The following WNK1 variants were observed in gnomAD, a reference collection of about 807,000 sequenced individuals.
The protein encoded by WNK1 is serine/threonine-protein kinase WNK1.
WNK1 carries 38 observed loss-of-function variants against 222.8 expected under a neutral mutation model. That is an observed-to-expected ratio of 0.17 (90% confidence interval 0.13 to 0.22). WNK1 has a LOEUF of 0.22. Ranked by LOEUF, WNK1 falls within the 10% of genes least tolerant of loss-of-function variation. The probability of loss-of-function intolerance (pLI) is 1.00; values close to 1 mark genes in which losing one functional copy is unlikely to be tolerated. For synonymous variants in WNK1, 1,090 were observed against 1,092.9 expected (o/e 1.00, Z 0.05); for missense variants, 2,348 against 2,918.4 (o/e 0.80, Z 4.50).
chr12:863,216 A>G (rs991040754), intron 8 of WNK1, among the ~76,000 whole-genome samples: 2 of 152,094 alleles, frequency 1.3e-5, no homozygotes, highest in Non-Finnish European at 2.9e-5. Context: ...TTAAATGAAA[A>G]TCTTTCTCTG....
At chr12:779,127 A>G (rs1943420952) in intron 1 of WNK1, among the ~76,000 whole-genome samples, 1 of 152,234 alleles carries the variant, frequency 6.6e-6, no homozygotes, top group Non-Finnish European at 1.5e-5. Context: ...GCCACTAATT[A>G]TGTGTTTTTT....
intron 1 of WNK1, among the ~76,000 whole-genome samples, chr12:788,898 AG>A (rs901406114): frequency 1.3e-4 from 19 of 151,580 alleles, no homozygotes; most frequent in African/African-American, 4.1e-4. Flanking sequence ...GGGGGGAAAA[AG>A]AAAGGTAAGT....
chr12:764,767 A>G (rs978988286), intron 1 of WNK1, among the ~76,000 whole-genome samples: 6 of 147,412 alleles, frequency 4.1e-5, no homozygotes, highest in African/African-American at 1.5e-4. Flanking sequence ...GAGGTTGAAT[A>G]AGAGAGAAGC....
intron 1 of WNK1, among the ~76,000 whole-genome samples, chr12:763,576 G>A (rs1176363064): frequency 7.7e-6 from 1 of 130,036 alleles, no homozygotes; most frequent in African/African-American, 2.5e-5. Flanking sequence ...GCGACAAGAG[G>A]GAAACTCTGT....
intron 25 of WNK1, among the ~76,000 whole-genome samples, chr12:899,199 A>C (rs1425353299): frequency 1.3e-5 from 2 of 152,356 alleles, no homozygotes; most frequent in South Asian, 4.1e-4. Context: ...AGGTTCACAG[A>C]TATCCAAATG....
At position 878,307 on chromosome 12, in the gene WNK1, A is replaced by G; in HGVS notation, c.2319A>G (p.Pro773=). 1 of 1,614,020 alleles carries G rather than the reference A, an allele frequency of 6.2e-7. No individual in the cohort carries two copies. Among genetic ancestry groups the G allele is most frequent in the Non-Finnish European group, 8.5e-7 (1 of 1,179,928 alleles). Residue 773 remains proline, a synonymous_variant, in exon 10 of 28, where the codon CCA becomes CCG. Transcript: ENST00000315939. ...STSSEATTAQ[P]VSQPQAPQVL... is the part of the protein sequence containing the mutation. ...CCAGTGAGGCCACTACTGCACAGCCAGTGAGTCAGCCTCAAGCTCCACAAG... is the reference window on the plus strand; with the variant it reads ...CCAGTGAGGCCACTACTGCACAGCCGGTGAGTCAGCCTCAAGCTCCACAAG...
At chr12:908,183 T>C in intron 27 of WNK1, 149 bp downstream of exon 27, 1 of 1,074,878 alleles carries the variant, frequency 9.3e-7, no homozygotes, top group Admixed American at 2.1e-5. Context: ...CCAGGTACCC[T>C]TTTATTTTTC....
At chr12:899,101 G>C (rs1474996586) in intron 25 of WNK1, among the ~76,000 whole-genome samples, 1 of 152,158 alleles carries the variant, frequency 6.6e-6, no homozygotes, top group Non-Finnish European at 1.5e-5. Flanking sequence ...AATTATGGTA[G>C]TGTTAACACA....
rs1565625592 is a variant in WNK1, at chr12:908,632, C to T, written c.6989C>T (p.Ala2330Val). The change falls in exon 28 of 28, where the codon GCT (alanine) becomes GTT (valine). Residue 2330 changes from alanine (A) to valine (V), a missense_variant. Ala to Val is a moderately conservative substitution (Grantham distance 64). This residue lies in a region of WNK1 where 76 missense variants were observed against 85.7 expected (regional missense o/e 0.89). Coordinates refer to ENST00000315939, the MANE Select transcript of WNK1 (RefSeq NM_018979.4). ...MCPPQQYGFPATPFGAQWSGT... is the reference protein window; with the variant it reads ...MCPPQQYGFPVTPFGAQWSGT... ...CCCCCACAGCAGTATGGCTTTCCAG[C>T]TACCCCATTTGGCGCTCAATGGAGT... is the stretch of plus-strand genomic sequence containing the variant. 6.2e-7 allele frequency: 1 copy of T among 1,614,226 alleles called. No homozygotes were observed. The highest frequency in any genetic ancestry group is 1.7e-5 in the Admixed American group (1 of 60,032).
At position 897,632 on chromosome 12, in the gene WNK1, C is replaced by T; in HGVS notation, c.6399C>T (p.Ser2133=). The T allele has an allele frequency of 6.2e-7, 1 of 1,614,222 alleles. No individual in the cohort carries two copies. Among genetic ancestry groups the T allele is most frequent in the Non-Finnish European group, 8.5e-7 (1 of 1,180,040 alleles). ...GACGACCCACTAAAAGCAAAGGCAG[C>T]AAATCTAGTCGAAGCAGTTCCTTGG... ...RRRRPTKSKG[S]KSSRSSSLGN... The change falls in exon 25 of 28, where the codon AGC becomes AGT. Residue 2133 remains serine, a synonymous_variant. Transcript: ENST00000315939.
intron 3 of WNK1, among the ~76,000 whole-genome samples, chr12:829,680 T>C (rs1393988250): frequency 1.3e-5 from 2 of 152,246 alleles, no homozygotes; most frequent in Non-Finnish European, 2.9e-5. Flanking sequence ...GTTTTCAATA[T>C]GAATTATATT....
chr12:875,096 A>G (rs1952488609), intron 9 of WNK1, among the ~76,000 whole-genome samples: 1 of 152,220 alleles, frequency 6.6e-6, no homozygotes, highest in African/African-American at 2.4e-5. Flanking sequence ...ACAAAAACAA[A>G]TGTGCCTTTA....
intron 4 of WNK1, among the ~76,000 whole-genome samples, chr12:853,910 C>A (rs1950581037): frequency 1.3e-5 from 2 of 151,936 alleles, no homozygotes; most frequent in African/African-American, 4.8e-5. Context: ...TGCCGCCACA[C>A]CCCACTAGTT....
chr12:789,559 CAG>C (rs1424884295), intron 1 of WNK1, among the ~76,000 whole-genome samples: 1 of 116,886 alleles, frequency 8.6e-6, no homozygotes, highest in Non-Finnish European at 1.7e-5. Context: ...TTTTTTGAGA[CAG>C]AGTCTCGCTC....
intron 8 of WNK1, chr12:868,294 T>C: frequency 6.2e-7 from 1 of 1,607,822 alleles, no homozygotes; most frequent in Non-Finnish European, 8.5e-7. Flanking sequence ...CTGGGGTACA[T>C]TACCAGGCCC....
chr12:866,342 G>C (rs1215532926), intron 8 of WNK1, among the ~76,000 whole-genome samples: 1 of 152,182 alleles, frequency 6.6e-6, no homozygotes, highest in Non-Finnish European at 1.5e-5. Context: ...GGCTGTGATA[G>C]TGAATTCTTA....
At chr12:888,277 C>G (rs923721624) in intron 20 of WNK1, among the ~76,000 whole-genome samples, 3 of 152,066 alleles carry the variant, frequency 2.0e-5, no homozygotes, top group Non-Finnish European at 4.4e-5. Flanking sequence ...AAGTAAAAAC[C>G]CCAACAGAGA....
chr12:873,914 T>C (rs573531494), intron 9 of WNK1, among the ~76,000 whole-genome samples: 4 of 152,062 alleles, frequency 2.6e-5, no homozygotes, highest in Non-Finnish European at 5.9e-5. Context: ...AATTGCTTTT[T>C]TGTGTGTTTT....
At chr12:863,452 A>C (rs1440935827) in intron 8 of WNK1, among the ~76,000 whole-genome samples, 3 of 152,144 alleles carry the variant, frequency 2.0e-5, no homozygotes, top group African/African-American at 7.2e-5. Flanking sequence ...TGCACAGAAA[A>C]TATATTTCTG....
Sources: gnomAD v4.1 joint callset for allele counts (sites outside exome capture counted in the v4.1 genomes callset) on GRCh38, gnomAD v4.1.1 for gene constraint, gnomAD v4.1.1 regional missense constraint, MANE v1.5 for transcripts, NCBI Gene and HGNC (gene_info 2026-07-23, HGNC 2026-07-21) for gene names.